Variants in DNAH11 observed in about 807,000 individuals in gnomAD.
DNAH11 encodes dynein axonemal heavy chain 11, also known as axonemal beta dynein heavy chain 11.
Under a neutral mutation model 526.0 loss-of-function variants are expected in DNAH11, and 442 were observed. The observed-to-expected ratio is 0.84, with a 90% CI of 0.78 to 0.91. DNAH11 has a LOEUF of 0.91. Among genes scored for constraint, DNAH11 ranks in the 40% least tolerant of loss-of-function variants. DNAH11 has a pLI of 0.00. For missense variants in DNAH11, 6,989 were observed against 5,448.7 expected (o/e 1.28, Z -8.90); for synonymous variants, 2,461 against 1,935.9 (o/e 1.27, Z -7.12).
chr7:21,802,789 A>C (rs7803777), intron 62 of DNAH11, among the ~76,000 whole-genome samples: 59,440 of 151,468 alleles, frequency 0.39, 12,431 homozygotes, highest in East Asian at 0.81. Context: ...CCAGAACAGG[A>C]TAATTTATAG....
rs1311834806 is a variant in DNAH11 at position 21,556,731 on chromosome 7, T to C, written c.496-2071T>C. On this transcript the variant is annotated intron_variant, in intron 2 of 81. Coordinates refer to ENST00000409508, the MANE Select transcript of DNAH11 (RefSeq NM_001277115.2). The stretch of plus-strand genomic sequence containing the variant: ...TGTTGTTCGTTTCTTTGTGCCCATG[T>C]GTACTCAATGTTTAGCTCCTAGTTA... 3.9e-5 allele frequency among the ~76,000 whole-genome samples: 6 copies of C among 152,156 alleles called. No individual in the cohort carries two copies. The East Asian group carries it at 1.2e-3, about 29-fold the overall frequency.
At chr7:21,730,533 C>A (rs958665104) in intron 45 of DNAH11, among the ~76,000 whole-genome samples, 10 of 152,186 alleles carry the variant, frequency 6.6e-5, no homozygotes, top group Non-Finnish European at 1.5e-4. Flanking sequence ...AGAAGGAAAT[C>A]CTGTCCTTTG....
At chr7:21,871,918 C>T (rs909262225) in intron 73 of DNAH11, among the ~76,000 whole-genome samples, 14 of 151,536 alleles carry the variant, frequency 9.2e-5, no homozygotes, top group African/African-American at 2.4e-4. Flanking sequence ...GTCAGGAGAT[C>T]GAGACCATCC....
intron 25 of DNAH11, among the ~76,000 whole-genome samples, chr7:21,634,189 A>G (rs763321705): frequency 3.9e-5 from 6 of 152,202 alleles, no homozygotes; most frequent in Non-Finnish European, 5.9e-5. Context: ...ACATTTATGC[A>G]AAGGTGAAAC....
At chr7:21,597,897 CTAG>C (rs1164565875) in intron 14 of DNAH11, among the ~76,000 whole-genome samples, 1 of 152,122 alleles carries the variant, frequency 6.6e-6, no homozygotes, top group Non-Finnish European at 1.5e-5. Context: ...GTATACTTTC[CTAG>C]GGTGTGTACT....
chr7:21,852,033 T>G (rs1292531509), intron 66 of DNAH11, among the ~76,000 whole-genome samples: 1 of 152,136 alleles, frequency 6.6e-6, no homozygotes, highest in Non-Finnish European at 1.5e-5. Flanking sequence ...AAATTGTGAT[T>G]GGTATGATTT....
At chr7:21,585,749 C>T (rs1293516254) in intron 9 of DNAH11, among the ~76,000 whole-genome samples, 6 of 151,938 alleles carry the variant, frequency 3.9e-5, no homozygotes, top group African/African-American at 1.5e-4. Context: ...AAGAGGCGCA[C>T]CTAGGAAAAA....
chr7:21,801,612 T>C (rs531388607), intron 62 of DNAH11, among the ~76,000 whole-genome samples: 1 of 152,342 alleles, frequency 6.6e-6, no homozygotes, highest in South Asian at 2.1e-4. Flanking sequence ...TTTTCTACTT[T>C]CTCTCTTCCT....
At chr7:21,550,284 G>A (rs1782972440) in intron 2 of DNAH11, among the ~76,000 whole-genome samples, 2 of 152,090 alleles carry the variant, frequency 1.3e-5, no homozygotes, top group South Asian at 4.1e-4. Flanking sequence ...TCCAAGTCTG[G>A]CTCAGCACCA....
At chr7:21,690,043 A>G (rs931667296) in intron 34 of DNAH11, among the ~76,000 whole-genome samples, 4 of 152,218 alleles carry the variant, frequency 2.6e-5, no homozygotes, top group African/African-American at 9.7e-5. Flanking sequence ...CAGTAATAGC[A>G]TTAGTCATAG....
chr7:21,614,008 C>T (rs1369496460), intron 20 of DNAH11, among the ~76,000 whole-genome samples: 1 of 151,336 alleles, frequency 6.6e-6, no homozygotes. Context: ...AACTCCTGGG[C>T]TCAAGCAATC....
At chr7:21,695,650 C>T (rs1401726422) in intron 35 of DNAH11, among the ~76,000 whole-genome samples, 1 of 152,192 alleles carries the variant, frequency 6.6e-6, no homozygotes, top group Non-Finnish European at 1.5e-5. Flanking sequence ...TAGAAGAAAA[C>T]CTAGGCAATA....
At chr7:21,811,410 C>T (rs559466120) in intron 63 of DNAH11, among the ~76,000 whole-genome samples, 56 of 151,462 alleles carry the variant, frequency 3.7e-4, no homozygotes, top group African/African-American at 1.1e-3. Context: ...GAGCCGAGAT[C>T]GCGCCACTGT....
chr7:21,611,486 A>G (rs112871772), intron 20 of DNAH11, among the ~76,000 whole-genome samples: 2,964 of 152,186 alleles, frequency 0.019, 47 homozygotes, highest in Non-Finnish European at 0.026. Context: ...GTATCTATTT[A>G]TTTTTTCCTA....
At chr7:21,696,107 A>G (rs1289339139) in intron 35 of DNAH11, among the ~76,000 whole-genome samples, 2 of 152,160 alleles carry the variant, frequency 1.3e-5, no homozygotes, top group African/African-American at 4.8e-5. Context: ...AGGGTGCTCA[A>G]TATGTGTGCT....
intron 73 of DNAH11, among the ~76,000 whole-genome samples, chr7:21,872,626 C>T (rs1783546646): frequency 6.6e-6 from 1 of 152,126 alleles, no homozygotes. Flanking sequence ...ATTTGTGAAT[C>T]ATAAAATGGA....
chr7:21,586,226 A>G (rs1416179266), intron 9 of DNAH11, among the ~76,000 whole-genome samples: 2 of 152,120 alleles, frequency 1.3e-5, no homozygotes, highest in African/African-American at 4.8e-5. Flanking sequence ...TATTCTTTCC[A>G]TTGTGGTCAA....
intron 40 of DNAH11, among the ~76,000 whole-genome samples, chr7:21,709,486 C>A (rs12667433): frequency 0.088 from 13,426 of 152,184 alleles, 722 homozygotes; most frequent in East Asian, 0.2. Context: ...TGCTTACTAC[C>A]TGGACGATGG....
At chr7:21,609,924 C>A (rs1785449004) in intron 20 of DNAH11, among the ~76,000 whole-genome samples, 1 of 152,152 alleles carries the variant, frequency 6.6e-6, no homozygotes. Context: ...GATGAGATCA[C>A]TGTGGGTCTT....
Sources: gnomAD v4.1 joint callset for allele counts (sites outside exome capture counted in the v4.1 genomes callset) on GRCh38, gnomAD v4.1.1 for gene constraint, MANE v1.5 for transcripts, NCBI Gene and HGNC (gene_info 2026-07-23, HGNC 2026-07-21) for gene names.